The following TMTC2 variants were observed in gnomAD, a reference collection of about 807,000 sequenced individuals.
TMTC2 encodes the protein protein O-mannosyl-transferase TMTC2.
A neutral mutation model predicts 82.4 loss-of-function variants in TMTC2; 43 were observed. The ratio of observed to expected loss-of-function variants is 0.52; its 90% confidence interval spans 0.41 to 0.67. TMTC2 has a LOEUF of 0.67. TMTC2 is among the 30% of genes least tolerant of loss of function. TMTC2 has a pLI of 0.00. For synonymous variants in TMTC2, 408 were observed against 381.9 expected (o/e 1.07, Z -0.80); for missense variants, 919 against 1,012.4 (o/e 0.91, Z 1.25).
At chr12:83,005,747 A>C (rs1655593) in intron 8 of TMTC2, among the ~76,000 whole-genome samples, 1 of 152,022 alleles carries the variant, frequency 6.6e-6, no homozygotes, top group Non-Finnish European at 1.5e-5. Context: ...CTCCCAGGCC[A>C]CTAGCAAAGC....
At chr12:82,781,625 G>C (rs941800590) in intron 1 of TMTC2, among the ~76,000 whole-genome samples, 2 of 150,948 alleles carry the variant, frequency 1.3e-5, no homozygotes, top group African/African-American at 4.9e-5. Flanking sequence ...TACTAATTAC[G>C]TATCATGCTA....
chr12:83,036,504 A>C (rs767558042), intron 9 of TMTC2, among the ~76,000 whole-genome samples: 363 of 130,862 alleles, frequency 2.8e-3, no homozygotes, highest in Non-Finnish European at 3.4e-3. Flanking sequence ...TTGCTTCATC[A>C]TCCAACCCCT....
intron 1 of TMTC2, among the ~76,000 whole-genome samples, chr12:82,831,031 C>T (rs1390614444): frequency 6.6e-6 from 1 of 152,064 alleles, no homozygotes; most frequent in Non-Finnish European, 1.5e-5. Flanking sequence ...TGTCTCACTT[C>T]TAAAAGAGAA....
At chr12:83,053,889 A>G (rs1882441633) in intron 10 of TMTC2, among the ~76,000 whole-genome samples, 1 of 152,120 alleles carries the variant, frequency 6.6e-6, no homozygotes, top group South Asian at 2.1e-4. Context: ...GTGCTTCACC[A>G]GAACACTCTG....
At chr12:82,958,526 C>G (rs1877745154) in intron 4 of TMTC2, among the ~76,000 whole-genome samples, 1 of 151,970 alleles carries the variant, frequency 6.6e-6, no homozygotes, top group African/African-American at 2.4e-5. Context: ...GTTGGTTCAA[C>G]ATGTGCAAAT....
chr12:82,741,980 T>C (rs902378037), intron 1 of TMTC2, among the ~76,000 whole-genome samples: 1 of 152,120 alleles, frequency 6.6e-6, no homozygotes, highest in African/African-American at 2.4e-5. Context: ...CATCTCTTGT[T>C]TGCATCCCAG....
chr12:82,731,023 T>C (rs985890074), intron 1 of TMTC2, among the ~76,000 whole-genome samples: 1 of 152,268 alleles, frequency 6.6e-6, no homozygotes, highest in African/African-American at 2.4e-5. Context: ...TTATTTTAAA[T>C]GCATCTGTAG....
chr12:83,077,581 A>C (rs1036929194), intron 11 of TMTC2, among the ~76,000 whole-genome samples: 2 of 142,466 alleles, frequency 1.4e-5, no homozygotes. Flanking sequence ...CTTTTTTTTT[A>C]TTTTATTTTT....
At chr12:82,922,617 T>C (rs1240673518) in intron 3 of TMTC2, among the ~76,000 whole-genome samples, 5 of 152,220 alleles carry the variant, frequency 3.3e-5, no homozygotes, top group Non-Finnish European at 7.3e-5. Flanking sequence ...AACTTCGTTT[T>C]CTCTTTGCAG....
intron 2 of TMTC2, among the ~76,000 whole-genome samples, chr12:82,862,122 C>G (rs2137122366): frequency 6.6e-6 from 1 of 152,240 alleles, no homozygotes; most frequent in South Asian, 2.1e-4. Flanking sequence ...ATTACTTTCA[C>G]TCACTTAGTT....
intron 3 of TMTC2, among the ~76,000 whole-genome samples, chr12:82,903,220 T>C (rs577559660): frequency 6.6e-6 from 1 of 152,300 alleles, no homozygotes; most frequent in East Asian, 1.9e-4. Context: ...CTGCTATAAA[T>C]TACAGCCACC....
At chr12:82,908,356 A>T (rs550466139) in intron 3 of TMTC2, among the ~76,000 whole-genome samples, 1 of 149,564 alleles carries the variant, frequency 6.7e-6, no homozygotes, top group South Asian at 2.2e-4. Flanking sequence ...GATTTTATGT[A>T]CTTACAGTTT....
Position 83,038,296 on chromosome 12 carries a change from A to G in TMTC2, c.2152+7417A>G, listed in dbSNP as rs12818659. Reference sequence around the variant, plus strand: ...AAAACTTAAAGTATAATAAAAATATATATATATACTCAAAAAAAAAGTTAG... The same window carrying G: ...AAAACTTAAAGTATAATAAAAATATGTATATATACTCAAAAAAAAAGTTAG... On this transcript the variant is annotated intron_variant, in intron 9 of 11. Coordinates refer to ENST00000321196, the MANE Select transcript of TMTC2 (RefSeq NM_152588.3). Among the ~76,000 whole-genome samples, 464 of 152,130 alleles carry G rather than the reference A, an allele frequency of 3.1e-3. 3 individuals carry two copies. Among genetic ancestry groups the G allele is most frequent in the Non-Finnish European group, 4.6e-3 (315 of 67,984 alleles).
chr12:83,043,491 C>T (rs1174362524), intron 9 of TMTC2, among the ~76,000 whole-genome samples: 2 of 152,184 alleles, frequency 1.3e-5, no homozygotes, highest in African/African-American at 4.8e-5. Flanking sequence ...AAAAAGTCCG[C>T]AGGTACAGAT....
chr12:82,959,277 A>G (rs1877785049), intron 4 of TMTC2, among the ~76,000 whole-genome samples: 1 of 152,154 alleles, frequency 6.6e-6, no homozygotes, highest in South Asian at 2.1e-4. Flanking sequence ...ATTCAGTGCT[A>G]TTTCTATCAA....
chr12:82,954,201 T>A, intron 4 of TMTC2, among the ~76,000 whole-genome samples: 1 of 152,208 alleles, frequency 6.6e-6, no homozygotes, highest in East Asian at 1.9e-4. Flanking sequence ...CTATCCTCTG[T>A]AACTCTTGAG....
intron 1 of TMTC2, among the ~76,000 whole-genome samples, chr12:82,839,252 A>G (rs974547959): frequency 6.6e-6 from 1 of 152,218 alleles, no homozygotes; most frequent in Non-Finnish European, 1.5e-5. Flanking sequence ...AGACAGGACC[A>G]CTATAACATT....
At chr12:82,917,709 C>T (rs958607215) in intron 3 of TMTC2, among the ~76,000 whole-genome samples, 1 of 151,736 alleles carries the variant, frequency 6.6e-6, no homozygotes, top group Non-Finnish European at 1.5e-5. Flanking sequence ...TCATGCCATT[C>T]TCCTGCCTCA....
chr12:82,704,421 A>G (rs1455353241), intron 1 of TMTC2, among the ~76,000 whole-genome samples: 1 of 152,210 alleles, frequency 6.6e-6, no homozygotes, highest in Non-Finnish European at 1.5e-5. Context: ...GGAAGCACAT[A>G]TAAAAGTAGA....
Sources: allele counts gnomAD v4.1 joint callset (sites outside exome capture counted in the v4.1 genomes callset), GRCh38; gene constraint gnomAD v4.1.1; transcripts MANE v1.5; gene names NCBI Gene and HGNC (gene_info 2026-07-23, HGNC 2026-07-21).